Variants in DOP1A observed in about 807,000 individuals in gnomAD.
DOP1A encodes the protein protein DOP1A.
Under a neutral mutation model 267.6 loss-of-function variants are expected in DOP1A, and 90 were observed. That is an observed-to-expected ratio of 0.34 (90% CI 0.28 to 0.40). DOP1A has a LOEUF of 0.40. DOP1A is among the 10% of genes least tolerant of loss of function. The pLI is 1.00. For missense variants in DOP1A, 2,437 were observed against 2,900.4 expected, an observed-to-expected ratio of 0.84 and a Z score of 3.67; for synonymous variants, 932 against 999.1, an observed-to-expected ratio of 0.93 and a Z score of 1.27.
At chr6:83,125,292 T>C in intron 14 of DOP1A, 97 bp downstream of exon 14, 1 of 1,257,210 alleles carries the variant, frequency 8.0e-7, no homozygotes, top group South Asian at 1.5e-5. Context: ...GGTTATTTTA[T>C]AATATATGCT....
intron 23 of DOP1A, among the ~76,000 whole-genome samples, chr6:83,141,030 T>C (rs534205892): frequency 6.6e-6 from 1 of 152,290 alleles, no homozygotes; most frequent in African/African-American, 2.4e-5. Context: ...TACAAAGATG[T>C]ATATACAAAG....
At chr6:83,076,174 AGGAC>A (rs1406976037) in intron 1 of DOP1A, among the ~76,000 whole-genome samples, 36 of 152,328 alleles carry the variant, frequency 2.4e-4, no homozygotes, top group Admixed American at 6.5e-4. Flanking sequence ...AAATGGGCCA[AGGAC>A]TTAAATAGAC....
chr6:83,079,643 T>G (rs559734372), intron 1 of DOP1A, among the ~76,000 whole-genome samples: 128 of 152,284 alleles, frequency 8.4e-4, no homozygotes, highest in Middle Eastern at 3.4e-3. Context: ...TTGGTTAGAT[T>G]TTATTTTGCA....
At position 83,093,549 on chromosome 6, in the gene DOP1A, A is replaced by T. The variant is rs184281719; in HGVS notation, c.-146-3182A>T. ...GACTCTCCCCAATAAAATGTAAGACATGTAAATTTCACATGTAATTTAAGG... is the reference window on the plus strand; with the variant it reads ...GACTCTCCCCAATAAAATGTAAGACTTGTAAATTTCACATGTAATTTAAGG... On this transcript the variant is annotated intron_variant, in intron 1 of 38. Transcript: ENST00000349129. Among the ~76,000 whole-genome samples, 19 of 152,358 alleles carry T rather than the reference A, an allele frequency of 1.2e-4. No homozygotes were observed. In the East Asian group the frequency reaches 3.7e-3, roughly 29 times the overall value.
chr6:83,154,191 T>C lies in DOP1A; in HGVS notation c.6401T>C (p.Ile2134Thr). Residue 2134 changes from isoleucine to threonine, a missense_variant, in exon 33 of 39, where the codon ATT (isoleucine) becomes ACT (threonine). Physicochemically the swap from Ile to Thr is moderately conservative, Grantham distance 89. Transcript: ENST00000349129. The part of the protein sequence containing the change: ...DASCVNHWRA[I>T]MDNLMTHDKT... ...CTTATCTCTTTCAGTTGGAGAGCAA[T>C]TATGGACAATCTGATGACACATGAT... 2.5e-6 allele frequency: 4 copies of C among 1,613,892 alleles called. No individual in the cohort carries two copies. The highest frequency in any genetic ancestry group is 3.4e-6 in the Non-Finnish European group (4 of 1,179,842).
chr6:83,157,667 C>T (rs1422804793), intron 35 of DOP1A, among the ~76,000 whole-genome samples: 5 of 152,224 alleles, frequency 3.3e-5, no homozygotes, highest in African/African-American at 1.2e-4. Flanking sequence ...AGCAATACCT[C>T]TAGTGATAGA....
intron 23 of DOP1A, among the ~76,000 whole-genome samples, chr6:83,141,080 A>T (rs554419563): frequency 9.8e-4 from 150 of 152,294 alleles, no homozygotes; most frequent in African/African-American, 3.4e-3. Flanking sequence ...AAAAACAGAG[A>T]TCCTAAACAA....
intron 26 of DOP1A, among the ~76,000 whole-genome samples, chr6:83,147,763 A>G (rs1179488384): frequency 6.6e-6 from 1 of 152,206 alleles, no homozygotes; most frequent in Non-Finnish European, 1.5e-5. Flanking sequence ...TTTGTAATCT[A>G]TGACTAGCAT....
Position 83,125,203 on chromosome 6 carries a change from A to G in DOP1A, c.1485+8A>G, listed in dbSNP as rs1169170799. On this transcript the variant is annotated splice_region_variant and intron_variant, in intron 14 of 38. Transcript: ENST00000349129. ...ATGAGGGTGCTGTGTCAGGTATGAC[A>G]TTCAGCCTGTTTTGTTTTTAAATGA... 4 of 1,566,532 alleles carry G rather than the reference A, an allele frequency of 2.6e-6. No homozygotes were observed. Among genetic ancestry groups the G allele is most frequent in the South Asian group, 1.2e-5 (1 of 80,300 alleles).
intron 33 of DOP1A, 132 bp from the exon 34 acceptor site, chr6:83,155,819 A>T: frequency 1.0e-6 from 1 of 998,502 alleles, no homozygotes; most frequent in African/African-American, 1.6e-5. Flanking sequence ...TGCCCCAGAG[A>T]GGGGCATCAA....
intron 18 of DOP1A, among the ~76,000 whole-genome samples, chr6:83,132,538 G>GTA (rs1262921443): frequency 6.6e-6 from 1 of 152,008 alleles, no homozygotes; most frequent in Non-Finnish European, 1.5e-5. Context: ...TCAGTAATAT[G>GTA]AAAAATTAAA....
chr6:83,151,412 CA>C (rs1781645458), intron 27 of DOP1A, among the ~76,000 whole-genome samples, 180 bp from the exon 28 acceptor site: 1 of 152,134 alleles, frequency 6.6e-6, no homozygotes, highest in Non-Finnish European at 1.5e-5. Flanking sequence ...CATCTTTATA[CA>C]GTGTCTTTTC....
In DOP1A at chr6:83,140,318, G is replaced by A; in HGVS notation, c.5330G>A (p.Ser1777Asn). The A allele has an allele frequency of 6.2e-7, 1 of 1,613,512 alleles. No individual in the cohort carries two copies. The highest frequency in any genetic ancestry group is 8.5e-7 in the Non-Finnish European group (1 of 1,179,868). ...MIMSSVTLLW[S>N]ILHQADSSEK... ...ATGTCCTCTGTGACACTGCTTTGGA[G>A]CATACTGCATCAAGCTGATTCTTCA... The change falls in exon 23 of 39, where the codon AGC becomes AAC. Residue 1777 changes from serine to asparagine, a missense_variant. Around this residue, in one of 9 missense-constraint regions of DOP1A, gnomAD observed 307 missense variants for 308.6 expected, o/e 0.99. Transcript: ENST00000349129.
At chr6:83,133,025 G>A (rs1778320801) in intron 18 of DOP1A, among the ~76,000 whole-genome samples, 1 of 152,126 alleles carries the variant, frequency 6.6e-6, no homozygotes, top group African/African-American at 2.4e-5. Context: ...GTGAGTTTGA[G>A]TGGGTCATAA....
intron 11 of DOP1A, among the ~76,000 whole-genome samples, chr6:83,122,464 G>C (rs1165175461): frequency 6.6e-6 from 1 of 151,876 alleles, no homozygotes; most frequent in Non-Finnish European, 1.5e-5. Context: ...GAATAGCACA[G>C]GGAAGCAGAC....
Position 83,137,953 on chromosome 6 carries a change from G to A in DOP1A, c.3911G>A (p.Arg1304Lys). ...PGAKPKVKLARKKDDDKKKSS... is the reference protein window; with the variant it reads ...PGAKPKVKLAKKKDDDKKKSS... ...GCAAAACCTAAAGTAAAACTTGCCA[G>A]AAAAAAGGATGATGACAAGAAAAAA... The change falls in exon 21 of 39, where the codon AGA (arginine) becomes AAA (lysine). Residue 1304 changes from arginine (R) to lysine (K), a missense_variant. Around this residue, in one of 9 missense-constraint regions of DOP1A, gnomAD observed 878 missense variants for 992.9 expected, o/e 0.88. Coordinates refer to ENST00000349129, the MANE Select transcript of DOP1A (RefSeq NM_015018.4). The A allele has an allele frequency of 1.2e-6, 2 of 1,603,042 alleles. No individual in the cohort carries two copies. Among genetic ancestry groups the A allele is most frequent in the Admixed American group, 1.7e-5 (1 of 57,148 alleles).
intron 27 of DOP1A, among the ~76,000 whole-genome samples, chr6:83,150,199 CTG>C (rs914765890): frequency 1.1e-4 from 16 of 152,182 alleles, no homozygotes; most frequent in African/African-American, 3.6e-4. Flanking sequence ...CATAGGGAGA[CTG>C]TGTCTCTACA....
Position 83,129,323 on chromosome 6 carries a change from C to A in DOP1A, c.2156C>A (p.Ser719Ter). The A allele has an allele frequency of 6.2e-7, 1 of 1,604,480 alleles. No individual in the cohort carries two copies. The highest frequency in any genetic ancestry group is 8.5e-7 in the Non-Finnish European group (1 of 1,177,004). ...CTTGGTCGAGAACAAGGAGAGACTT[C>A]AAAATGGGACAGAAATTCACAAGGA... ...GDLGREQGETSKWDRNSQGDV... is the reference protein window; with the variant it reads ...GDLGREQGET Residue 719 changes from serine (S) to a stop codon, truncating the protein, a stop_gained, in exon 16 of 39, where the codon TCA becomes TAA. Transcript: ENST00000349129. LOFTEE classifies it high-confidence loss of function.
chr6:83,094,667 C>A (rs1264303460), intron 1 of DOP1A, among the ~76,000 whole-genome samples: 4 of 152,170 alleles, frequency 2.6e-5, no homozygotes, highest in African/African-American at 9.7e-5. Flanking sequence ...TACTTATTGA[C>A]CATTTGTACA....
Sources: gnomAD v4.1 joint callset for allele counts (sites outside exome capture counted in the v4.1 genomes callset) on GRCh38, gnomAD v4.1.1 for gene constraint, gnomAD v4.1.1 regional missense constraint, MANE v1.5 for transcripts, NCBI Gene and HGNC (gene_info 2026-07-23, HGNC 2026-07-21) for gene names.